The following PCDHGA3 variants were observed in gnomAD, a reference collection of about 807,000 sequenced individuals.
PCDHGA3 encodes the protein protocadherin gamma-A3.
Under a neutral mutation model 58.5 loss-of-function variants are expected in PCDHGA3, and 40 were observed. That is an observed-to-expected ratio of 0.68 (90% CI 0.53 to 0.89). The LOEUF is 0.89. Among genes scored for constraint, PCDHGA3 ranks in the 40% least tolerant of loss-of-function variants. The probability of loss-of-function intolerance (pLI) is 0.00; values close to 1 mark genes in which losing one functional copy is unlikely to be tolerated. For synonymous variants in PCDHGA3, 530 were observed against 525.7 expected (o/e 1.01, Z -0.11); for missense variants, 1,223 against 1,195.9 (o/e 1.02, Z -0.33).
chr5:141,344,716 T>C lies in PCDHGA3; in HGVS notation c.683T>C (p.Ile228Thr), dbSNP rs1757459523. 1.2e-6 allele frequency: 2 copies of C among 1,613,862 alleles called. No homozygotes were observed. The highest frequency in any genetic ancestry group is 2.7e-5 in the African/African-American group (2 of 74,910). The stretch of plus-strand genomic sequence containing the variant: ...CCTGTCCACTCTGGCAACTTGCACA[T>C]CCAAGTGATAGTCCTGGATGCAAAT... ...GDPVHSGNLHIQVIVLDANDN... is the reference protein window; with the variant it reads ...GDPVHSGNLHTQVIVLDANDN... Residue 228 changes from isoleucine (I) to threonine (T), a missense_variant, in exon 1 of 4, where the codon ATC becomes ACC. By Grantham distance (89) the Ile-to-Thr change is moderately conservative. Transcript: ENST00000253812.
chr5:141,452,252 C>T (rs868364679), intron 1 of PCDHGA3, among the ~76,000 whole-genome samples: 2 of 152,106 alleles, frequency 1.3e-5, no homozygotes, highest in Non-Finnish European at 2.9e-5. Context: ...TTTGCCATAA[C>T]TCTCTCATTT....
intron 1 of PCDHGA3, among the ~76,000 whole-genome samples, chr5:141,446,322 C>A (rs1561922470): frequency 2.0e-5 from 3 of 151,968 alleles, no homozygotes; most frequent in South Asian, 4.1e-4. Flanking sequence ...TGGGTTTCCA[C>A]ATTAAGGAAC....
chr5:141,488,518 G>A lies in PCDHGA3; in HGVS notation c.2425-6289G>A, dbSNP rs2233597. On this transcript the variant is annotated intron_variant, in intron 1 of 3. Coordinates refer to ENST00000253812, the MANE Select transcript of PCDHGA3 (RefSeq NM_018916.4). Reference sequence around the variant, plus strand: ...CACTCATTCCACATTTGGGGTCTGGGGTGTCAGAAAAGCTAAGTCCCATGT... The same window carrying A: ...CACTCATTCCACATTTGGGGTCTGGAGTGTCAGAAAAGCTAAGTCCCATGT... Among the ~76,000 whole-genome samples the A allele has an allele frequency of 5.8e-3, 879 of 152,218 alleles. 4 individuals are homozygous for A. The highest frequency in any genetic ancestry group is 0.021 in the African/African-American group (853 of 41,520).
chr5:141,473,894 T>C (rs1224416966), intron 1 of PCDHGA3, among the ~76,000 whole-genome samples: 1 of 152,134 alleles, frequency 6.6e-6, no homozygotes, highest in Non-Finnish European at 1.5e-5. Context: ...GTTCTGTTGG[T>C]TCATGAAGAG....
At chr5:141,362,323 G>C (rs745573123) in intron 1 of PCDHGA3, 1 of 1,614,082 alleles carries the variant, frequency 6.2e-7, no homozygotes, top group East Asian at 2.2e-5. Flanking sequence ...TTTTCAGCCT[G>C]GTCTCAGCTC....
At chr5:141,364,466 G>T (rs1391136210) in intron 1 of PCDHGA3, 2 of 1,613,990 alleles carry the variant, frequency 1.2e-6, no homozygotes, top group Non-Finnish European at 1.7e-6. Context: ...CTCCTTCGTC[G>T]GCAACATAGC....
At chr5:141,388,486 A>G in intron 1 of PCDHGA3, 1 of 1,613,858 alleles carries the variant, frequency 6.2e-7, no homozygotes, top group Non-Finnish European at 8.5e-7. Context: ...ACACCTTTGG[A>G]CAGAGAAAAG....
intron 1 of PCDHGA3, among the ~76,000 whole-genome samples, chr5:141,439,406 C>T (rs2098110611): frequency 6.6e-6 from 1 of 152,190 alleles, no homozygotes; most frequent in Non-Finnish European, 1.5e-5. Flanking sequence ...CATGTGCTAA[C>T]ATCACTGAGG....
At chr5:141,366,777 G>T in intron 1 of PCDHGA3, 1 of 1,587,140 alleles carries the variant, frequency 6.3e-7, no homozygotes, top group South Asian at 1.1e-5. Flanking sequence ...CGGTAAGGAT[G>T]ACCAGAACAT....
chr5:141,414,868 G>A (rs1346192710), intron 1 of PCDHGA3: 1 of 1,614,098 alleles, frequency 6.2e-7, no homozygotes, highest in African/African-American at 1.3e-5. Flanking sequence ...CAATGCGCCC[G>A]AGATCCTGTA....
chr5:141,409,715 G>C (rs2095305446), intron 1 of PCDHGA3: 9 of 1,613,084 alleles, frequency 5.6e-6, no homozygotes, highest in Admixed American at 1.7e-5. Flanking sequence ...GTCGTCATAC[G>C]TGTCAGTGAG....
At chr5:141,462,596 A>G (rs1260411284) in intron 1 of PCDHGA3, among the ~76,000 whole-genome samples, 5 of 151,922 alleles carry the variant, frequency 3.3e-5, no homozygotes, top group African/African-American at 1.2e-4. Flanking sequence ...TTTCCATTTC[A>G]TATATTGTAT....
At chr5:141,501,287 T>C (rs1025193070) in intron 2 of PCDHGA3, among the ~76,000 whole-genome samples, 1 of 96,980 alleles carries the variant, frequency 1.0e-5, no homozygotes, top group African/African-American at 4.2e-5. Context: ...GGATATTCCC[T>C]TATACACACA....
intron 1 of PCDHGA3, chr5:141,419,971 C>T (rs1254783575): frequency 1.2e-6 from 2 of 1,613,942 alleles, no homozygotes; most frequent in African/African-American, 2.7e-5. Context: ...TGCTCTTTCT[C>T]CTCGCGGTGA....
chr5:141,446,532 A>G (rs1443843436), intron 1 of PCDHGA3, among the ~76,000 whole-genome samples: 1 of 151,788 alleles, frequency 6.6e-6, no homozygotes, highest in Non-Finnish European at 1.5e-5. Flanking sequence ...GCTGGAGTGC[A>G]GTGGCCCTAT....
chr5:141,387,766 T>G, intron 1 of PCDHGA3: 1 of 1,434,120 alleles, frequency 7.0e-7, no homozygotes, highest in Non-Finnish European at 9.3e-7. Context: ...AAAGAAGAAT[T>G]TTTTCTTGAA....
At chr5:141,417,680 A>G (rs1236124418) in intron 1 of PCDHGA3, 21 of 1,016,072 alleles carry the variant, frequency 2.1e-5, no homozygotes, top group Non-Finnish European at 2.9e-5. Context: ...AGCCAACAAC[A>G]GAAAAGAAAA....
chr5:141,399,611 T>A, intron 1 of PCDHGA3: 2 of 1,613,930 alleles, frequency 1.2e-6, no homozygotes, highest in Non-Finnish European at 1.7e-6. Flanking sequence ...CTAGAGCCTC[T>A]GGCACTGGCC....
chr5:141,421,680 G>A (rs2096591907), intron 1 of PCDHGA3: 5 of 1,613,758 alleles, frequency 3.1e-6, no homozygotes, highest in Non-Finnish European at 4.2e-6. Context: ...TTCCTGGGGC[G>A]CGATTTGCTC....
Sources: allele counts gnomAD v4.1 joint callset (sites outside exome capture counted in the v4.1 genomes callset), GRCh38; gene constraint gnomAD v4.1.1; transcripts MANE v1.5; gene names NCBI Gene and HGNC (gene_info 2026-07-23, HGNC 2026-07-21).